RIMS1: variants seen among roughly 807,000 people sequenced by gnomAD.
The protein encoded by RIMS1 is regulating synaptic membrane exocytosis 1.
Under a neutral mutation model 214.1 loss-of-function variants are expected in RIMS1, and 83 were observed. The observed-to-expected ratio is 0.39, with a 90% CI of 0.32 to 0.47. RIMS1 has a LOEUF of 0.47. Among genes scored for constraint, RIMS1 ranks in the 20% least tolerant of loss-of-function variants. The probability of loss-of-function intolerance (pLI) is 0.99; values close to 1 mark genes in which losing one functional copy is unlikely to be tolerated. For missense variants in RIMS1, 2,050 were observed against 2,161.8 expected (o/e 0.95, Z 1.03); for synonymous variants, 793 against 786.8 (o/e 1.01, Z -0.13).
intron 2 of RIMS1, among the ~76,000 whole-genome samples, chr6:71,988,881 C>T (rs1183018495): frequency 6.6e-6 from 1 of 151,968 alleles, no homozygotes; most frequent in East Asian, 1.9e-4. Flanking sequence ...CATGTGGGGG[C>T]CATTTGTTAA....
chr6:72,377,752 TCC>T (rs2098416183), intron 29 of RIMS1, among the ~76,000 whole-genome samples: 1 of 152,206 alleles, frequency 6.6e-6, no homozygotes, highest in Non-Finnish European at 1.5e-5. Context: ...TCATGGCCAA[TCC>T]TGATATGATC....
intron 28 of RIMS1, among the ~76,000 whole-genome samples, chr6:72,330,911 T>C (rs1223613912): frequency 1.3e-5 from 2 of 151,604 alleles, no homozygotes; most frequent in African/African-American, 2.4e-5. Context: ...CAGGTCCTCA[T>C]AAAAGAATGC....
chr6:72,392,003 G>C (rs1006604649), intron 30 of RIMS1, among the ~76,000 whole-genome samples: 3 of 152,178 alleles, frequency 2.0e-5, no homozygotes, highest in Non-Finnish European at 4.4e-5. Context: ...AAGCACAATG[G>C]AAAGAGTAAG....
At chr6:72,090,170 TA>T (rs555102378) in intron 2 of RIMS1, among the ~76,000 whole-genome samples, 160 of 151,938 alleles carry the variant, frequency 1.1e-3, no homozygotes, top group Middle Eastern at 3.4e-3. Flanking sequence ...TAAAGTATAA[TA>T]AAAAAAAATT....
Position 71,886,892 on chromosome 6 carries a change from C to A in RIMS1, c.-132C>A. 1.0e-6 allele frequency: 1 copy of A among 995,028 alleles called. No homozygotes were observed. The allele number at this position is 995,028 out of a possible 1,614,324, so 61.6% of individuals were successfully genotyped here. The stretch of plus-strand genomic sequence containing the variant: ...TCTGCTGCTGCTGCTGCTGCCGCCG[C>A]CGCCGCTGCTCCTCCTCCTGCCGCC... On this transcript the variant is annotated 5_prime_UTR_variant, in exon 1 of 34. Transcript: ENST00000521978.
intron 2 of RIMS1, among the ~76,000 whole-genome samples, chr6:72,010,008 C>A (rs949414453): frequency 2.0e-5 from 3 of 152,142 alleles, no homozygotes; most frequent in African/African-American, 7.2e-5. Context: ...CAAAACCTGG[C>A]AGAGACACAA....
chr6:72,294,083 A>G (rs2154257102), intron 26 of RIMS1, among the ~76,000 whole-genome samples: 1 of 151,762 alleles, frequency 6.6e-6, no homozygotes, highest in East Asian at 1.9e-4. Flanking sequence ...GGTGTTTTTT[A>G]TGATATAAAT....
intron 29 of RIMS1, chr6:72,366,624 C>T (rs1225798185): frequency 1.4e-5 from 12 of 858,622 alleles, no homozygotes; most frequent in African/African-American, 1.8e-5. Context: ...AGGAAAGAAG[C>T]ACTCTTGACA....
At chr6:72,218,204 C>T (rs1323109089) in intron 6 of RIMS1, among the ~76,000 whole-genome samples, 1 of 151,518 alleles carries the variant, frequency 6.6e-6, no homozygotes, top group African/African-American at 2.4e-5. Flanking sequence ...TAAGACTGCA[C>T]TCCTTGGGAG....
At chr6:71,924,481 T>C (rs1002841495) in intron 1 of RIMS1, among the ~76,000 whole-genome samples, 2 of 152,018 alleles carry the variant, frequency 1.3e-5, no homozygotes, top group Non-Finnish European at 2.9e-5. Context: ...CATTTTTATC[T>C]TTCTTTATTT....
intron 2 of RIMS1, among the ~76,000 whole-genome samples, chr6:72,022,520 C>T (rs1484933707): frequency 6.6e-6 from 1 of 152,026 alleles, no homozygotes; most frequent in Non-Finnish European, 1.5e-5. Context: ...ATATTCAATA[C>T]CTTAGTGTAT....
At chr6:72,216,458 G>A (rs1341425638) in intron 6 of RIMS1, 12 of 985,440 alleles carry the variant, frequency 1.2e-5, no homozygotes, top group Non-Finnish European at 1.4e-5. Context: ...GCCTGAAGAA[G>A]CACTTTTGCC....
At chr6:72,080,390 A>G (rs1833067165) in intron 2 of RIMS1, among the ~76,000 whole-genome samples, 2 of 152,168 alleles carry the variant, frequency 1.3e-5, no homozygotes, top group South Asian at 2.1e-4. Context: ...CCCCACCTCC[A>G]CTATCAGAGC....
At chr6:72,226,584 C>T (rs1184555265) in intron 6 of RIMS1, among the ~76,000 whole-genome samples, 1 of 151,944 alleles carries the variant, frequency 6.6e-6, no homozygotes, top group Non-Finnish European at 1.5e-5. Context: ...AGTTAGGAAG[C>T]TTACAACCTA....
intron 1 of RIMS1, among the ~76,000 whole-genome samples, chr6:71,940,683 T>C (rs185579662): frequency 9.7e-4 from 147 of 152,286 alleles, no homozygotes; most frequent in African/African-American, 3.3e-3. Context: ...GGTGAGCTCA[T>C]GGAAAAGTAA....
Position 72,009,821 on chromosome 6 carries a change from G to T in RIMS1, c.245+40758G>T, listed in dbSNP as rs1301325642. Reference sequence around the variant, plus strand: ...TAGACCAATAACAGGCTCTGAAATTGAGGCAATAATTAATAGCTTCCCAAC... The same window carrying T: ...TAGACCAATAACAGGCTCTGAAATTTAGGCAATAATTAATAGCTTCCCAAC... On this transcript the variant is annotated intron_variant, in intron 2 of 33. Coordinates refer to ENST00000521978, the MANE Select transcript of RIMS1 (RefSeq NM_014989.7). 9.2e-5 allele frequency among the ~76,000 whole-genome samples: 14 copies of T among 152,294 alleles called. No individual in the cohort carries two copies. The East Asian group carries it at 2.5e-3, about 27-fold the overall frequency.
rs981977227 is a variant in RIMS1, at chr6:72,360,729, A to T, written c.4366+26894A>T. Among the ~76,000 whole-genome samples, 7 of 149,566 alleles carry T rather than the reference A, an allele frequency of 4.7e-5. No homozygotes were observed. In the South Asian group the frequency reaches 1.5e-3, roughly 31 times the overall value. ...CTATATTTTTTTTACTATATATATA[A>T]AACTGTGGCTACAGTCCAGCTATCT... On this transcript the variant is annotated intron_variant, in intron 29 of 33. Transcript: ENST00000521978.
At chr6:72,349,273 C>T (rs1192623371) in intron 29 of RIMS1, among the ~76,000 whole-genome samples, 1 of 151,924 alleles carries the variant, frequency 6.6e-6, no homozygotes, top group Non-Finnish European at 1.5e-5. Flanking sequence ...AAAGTCAGTG[C>T]CATAGGATGT....
intron 4 of RIMS1, among the ~76,000 whole-genome samples, chr6:72,170,638 A>G (rs1201323239): frequency 1.3e-5 from 2 of 152,070 alleles, no homozygotes; most frequent in African/African-American, 4.8e-5. Flanking sequence ...CCAGCCTACC[A>G]TTATGTTTTG....
Sources: gnomAD v4.1 joint callset for allele counts (sites outside exome capture counted in the v4.1 genomes callset) on GRCh38, gnomAD v4.1.1 for gene constraint, MANE v1.5 for transcripts, NCBI Gene and HGNC (gene_info 2026-07-23, HGNC 2026-07-21) for gene names.